The following CACNA2D1 variants were observed in gnomAD, a reference collection of about 807,000 sequenced individuals.
CACNA2D1 encodes the protein calcium voltage-gated channel auxiliary subunit alpha2delta 1.
In CACNA2D1, 53 loss-of-function variants were observed where a neutral mutation model predicts 171.5. The ratio of observed to expected loss-of-function variants is 0.31; its 90% CI spans 0.25 to 0.39. CACNA2D1 has a LOEUF of 0.39. Ranked by LOEUF, CACNA2D1 falls within the 10% of genes least tolerant of loss-of-function variation. CACNA2D1 has a pLI of 1.00. For synonymous variants in CACNA2D1, 442 were observed against 443.1 expected, an observed-to-expected ratio of 1.00 and a Z score of 0.03; for missense variants, 903 against 1,299.8, an observed-to-expected ratio of 0.69 and a Z score of 4.69.
At chr7:81,955,976 ATATATTTTTTT>A (rs1281600435) in intron 38 of CACNA2D1, among the ~76,000 whole-genome samples, 64 of 73,600 alleles carry the variant, frequency 8.7e-4, no homozygotes, top group African/African-American at 2.7e-3. Context: ...ATATATATAT[ATATATTTTTTT>A]TTTTTTTTTT....
intron 18 of CACNA2D1, among the ~76,000 whole-genome samples, chr7:82,003,186 T>A (rs1256132653): frequency 1.3e-5 from 2 of 152,122 alleles, no homozygotes; most frequent in Admixed American, 1.3e-4. Flanking sequence ...TGAGAATTCA[T>A]AAGCATGAAT....
intron 2 of CACNA2D1, among the ~76,000 whole-genome samples, chr7:82,337,961 A>G (rs906951971): frequency 6.6e-6 from 1 of 152,176 alleles, no homozygotes; most frequent in African/African-American, 2.4e-5. Flanking sequence ...TCAAAGACCA[A>G]GTTTCTCTGT....
intron 3 of CACNA2D1, among the ~76,000 whole-genome samples, chr7:82,334,374 CA>C (rs1817736062): frequency 6.6e-6 from 1 of 152,122 alleles, no homozygotes; most frequent in Non-Finnish European, 1.5e-5. Flanking sequence ...GAGACTTGTT[CA>C]AGAAAATTCA....
intron 3 of CACNA2D1, among the ~76,000 whole-genome samples, chr7:82,186,255 A>G (rs141554972): frequency 0.25 from 27,419 of 109,438 alleles, 3,998 homozygotes; most frequent in East Asian, 0.35. Flanking sequence ...AGGAAGGAAG[A>G]AAGGAAGGAA....
chr7:82,356,038 C>T (rs1310743815), intron 1 of CACNA2D1, among the ~76,000 whole-genome samples: 2 of 152,020 alleles, frequency 1.3e-5, no homozygotes, highest in Non-Finnish European at 2.9e-5. Context: ...CCATCTTATC[C>T]CTCCTCCAGT....
At chr7:82,140,257 C>T (rs990517826) in intron 4 of CACNA2D1, among the ~76,000 whole-genome samples, 3 of 152,110 alleles carry the variant, frequency 2.0e-5, no homozygotes, top group Non-Finnish European at 2.9e-5. Flanking sequence ...AAGAAGAGAA[C>T]GTAGACCTTA....
rs374527665 is a variant in CACNA2D1, at chr7:82,268,511, C to T, written c.294+66624G>A. On this transcript the variant is annotated intron_variant, in intron 3 of 38. Transcript: ENST00000356860. ...GTCACTCACTCTCCCTCTAATTACA[C>T]GCAGTCCTTTTTTTTCTTCTCTTCG... is the stretch of plus-strand genomic sequence containing the variant. Among the ~76,000 whole-genome samples, 22 of 152,140 alleles carry T rather than the reference C, an allele frequency of 1.4e-4. No homozygotes were observed. In the East Asian group the frequency reaches 1.9e-3, roughly 13 times the overall value.
At chr7:82,081,224 A>C (rs1402155244) in intron 7 of CACNA2D1, among the ~76,000 whole-genome samples, 4 of 152,214 alleles carry the variant, frequency 2.6e-5, no homozygotes, top group Admixed American at 2.6e-4. Context: ...TACAGTAAAC[A>C]GGGGTGAGTC....
chr7:82,361,634 ATAT>A (rs1232719218), intron 1 of CACNA2D1, among the ~76,000 whole-genome samples: 1 of 152,158 alleles, frequency 6.6e-6, no homozygotes, highest in East Asian at 1.9e-4. Flanking sequence ...AAATATTAAA[ATAT>A]TAGGCAGAAA....
chr7:82,269,913 C>CA (rs1321099692), intron 3 of CACNA2D1, among the ~76,000 whole-genome samples: 1 of 152,110 alleles, frequency 6.6e-6, no homozygotes, highest in East Asian at 1.9e-4. Context: ...GACATATTCA[C>CA]AAAAAAATCA....
Position 82,249,012 on chromosome 7 carries a change from G to A in CACNA2D1, c.295-78403C>T, listed in dbSNP as rs1243491520. ...GGCATCTGTAGTCCCAGCTACTCAG[G>A]AGGCTGAGGCAGGAGAATGGCGTAA... On this transcript the variant is annotated intron_variant, in intron 3 of 38. Coordinates refer to ENST00000356860, the MANE Select transcript of CACNA2D1 (RefSeq NM_000722.4). Among the ~76,000 whole-genome samples the A allele has an allele frequency of 3.9e-5, 6 of 152,072 alleles. No individual in the cohort carries two copies. In the East Asian group the frequency reaches 1.2e-3, roughly 29 times the overall value.
intron 38 of CACNA2D1, among the ~76,000 whole-genome samples, chr7:81,955,980 A>ATATATATTTTT (rs58075516): frequency 1.7e-4 from 6 of 34,554 alleles, no homozygotes; most frequent in East Asian, 1.4e-3. Flanking sequence ...ATATATATAT[A>ATATATATTTTT]TTTTTTTTTT....
At chr7:82,012,419 C>T (rs887670151) in intron 14 of CACNA2D1, among the ~76,000 whole-genome samples, 176 bp from the exon 15 acceptor site, 2 of 151,988 alleles carry the variant, frequency 1.3e-5, no homozygotes, top group African/African-American at 2.4e-5. Flanking sequence ...GGTATGGCTA[C>T]GTTATTTTGA....
At chr7:82,370,067 A>G (rs1462232777) in intron 1 of CACNA2D1, among the ~76,000 whole-genome samples, 1 of 152,078 alleles carries the variant, frequency 6.6e-6, no homozygotes, top group African/African-American at 2.4e-5. Flanking sequence ...ATTATCTACC[A>G]TAGAGATATG....
chr7:81,974,808 T>G (rs1394556163), intron 24 of CACNA2D1, among the ~76,000 whole-genome samples: 2 of 151,790 alleles, frequency 1.3e-5, no homozygotes, highest in African/African-American at 4.8e-5. Context: ...GTTATACTAT[T>G]ATCATTGTAT....
intron 1 of CACNA2D1, among the ~76,000 whole-genome samples, chr7:82,440,047 GA>G (rs1028973930): frequency 4.0e-5 from 6 of 149,600 alleles, no homozygotes; most frequent in East Asian, 1.9e-4. Flanking sequence ...CTAATAACAG[GA>G]AAAAAAAATA....
chr7:82,162,627 CTTT>C (rs1415227568), intron 4 of CACNA2D1, among the ~76,000 whole-genome samples: 1 of 148,212 alleles, frequency 6.7e-6, no homozygotes, highest in East Asian at 2.0e-4. Context: ...AGTATTTCTT[CTTT>C]TTTAAGAGAC....
chr7:82,286,785 T>C (rs772405421), intron 3 of CACNA2D1, among the ~76,000 whole-genome samples: 2 of 152,188 alleles, frequency 1.3e-5, no homozygotes, highest in Non-Finnish European at 2.9e-5. Context: ...TAATCACCAA[T>C]TGGTTTTTGC....
rs186600458 is a variant in CACNA2D1 at position 82,251,137 on chromosome 7, C to T, written c.295-80528G>A. 2.6e-4 allele frequency among the ~76,000 whole-genome samples: 39 copies of T among 152,258 alleles called. 1 individual carries two copies. Among genetic ancestry groups the T allele is most frequent in the East Asian group, 2.5e-3 (13 of 5,178 alleles). On this transcript the variant is annotated intron_variant, in intron 3 of 38. Coordinates refer to ENST00000356860, the MANE Select transcript of CACNA2D1 (RefSeq NM_000722.4). ...TCATACTCTCCTGTATCTCCCATCT[C>T]TCAACGCCATGATGTAATAAGAAGT...
Sources: gnomAD v4.1 joint callset for allele counts (sites outside exome capture counted in the v4.1 genomes callset) on GRCh38, gnomAD v4.1.1 for gene constraint, MANE v1.5 for transcripts, NCBI Gene and HGNC (gene_info 2026-07-23, HGNC 2026-07-21) for gene names.